WDR5: variants seen among roughly 807,000 people sequenced by gnomAD.
The protein encoded by WDR5 is WD repeat domain 5.
For synonymous variants in WDR5, 144 were observed against 161.6 expected, an observed-to-expected ratio of 0.89 and a Z score of 0.83; for missense variants, 187 against 416.9, an observed-to-expected ratio of 0.45 and a Z score of 4.80.
rs1128044 is a variant in WDR5, at chr9:134,159,126, G to C, written c.*1133G>C. On this transcript the variant is annotated 3_prime_UTR_variant, in exon 14 of 14. Coordinates refer to ENST00000358625, the MANE Select transcript of WDR5 (RefSeq NM_017588.3). The surrounding 1 kb of genome is among the most constrained non-coding windows in gnomAD (Gnocchi z 4.3). ...TGCCCCTCTGCCTGTGCTCCTGGCA[G>C]TGTGGCTTCCCGGTGCTCACCTGCA... 55,351 of 152,458 alleles carry C rather than the reference G, an allele frequency of 0.36. 11,190 individuals are homozygous for C. The highest frequency in any genetic ancestry group is 0.46 in the Non-Finnish European group (31,131 of 68,142). The allele number at this position is 152,458 out of a possible 1,614,324, so 9.4% of individuals were successfully genotyped here.
intron 7 of WDR5, among the ~76,000 whole-genome samples, chr9:134,146,402 G>C (rs1832203563): frequency 6.6e-6 from 1 of 152,040 alleles, no homozygotes; most frequent in Admixed American, 6.6e-5. Context: ...GCCTGGTTAA[G>C]TTTTGTATTT....
rs548318952 is a variant in WDR5 at position 134,136,601 on chromosome 9, C to G, written c.-59+401C>G. ...CAGTCCCTGGACGAGGTGCGCTTCCCCTCCTCGTAGAAACGCCCCCAGCCC... is the reference window on the plus strand; with the variant it reads ...CAGTCCCTGGACGAGGTGCGCTTCCGCTCCTCGTAGAAACGCCCCCAGCCC... On this transcript the variant is annotated intron_variant, in intron 1 of 13. Transcript: ENST00000358625. Among the ~76,000 whole-genome samples, 13 of 152,276 alleles carry G rather than the reference C, an allele frequency of 8.5e-5. No individual in the cohort carries two copies. The South Asian group carries it at 1.2e-3, about 15-fold the overall frequency.
chr9:134,156,026 G>T (rs565053125), intron 12 of WDR5, among the ~76,000 whole-genome samples: 1 of 152,248 alleles, frequency 6.6e-6, no homozygotes. Context: ...CGAGGGCGCT[G>T]GGACCCAACA....
chr9:134,148,627 G>A (rs532025325), intron 8 of WDR5, among the ~76,000 whole-genome samples: 25 of 152,296 alleles, frequency 1.6e-4, no homozygotes, highest in African/African-American at 4.1e-4. Flanking sequence ...AGACGCTGAC[G>A]TGTGCTGTTC....
intron 1 of WDR5, among the ~76,000 whole-genome samples, chr9:134,137,195 C>T (rs963918674): frequency 3.3e-5 from 5 of 152,130 alleles, no homozygotes; most frequent in East Asian, 1.9e-4. Flanking sequence ...TTTGGTTGCT[C>T]GGCTTCAGGT....
At position 134,159,936 on chromosome 9, in the gene WDR5, C is replaced by G. The variant is rs2132603654; in HGVS notation, c.*1943C>G. 6.6e-6 allele frequency: 1 copy of G among 152,224 alleles called. No individual in the cohort carries two copies. The highest frequency in any genetic ancestry group is 2.4e-5 in the African/African-American group (1 of 41,522). The allele number at this position is 152,224 out of a possible 1,614,324, so 9.4% of individuals were successfully genotyped here. A position where few individuals can be genotyped will look rare whatever the true frequency, so the allele number is the denominator to read the frequency against. ...TTGTAGATTTATGTAAAAATACATTCTTTTTGAAAATAAAAATTTTCATGT... is the reference window on the plus strand; with the variant it reads ...TTGTAGATTTATGTAAAAATACATTGTTTTTGAAAATAAAAATTTTCATGT... On this transcript the variant is annotated 3_prime_UTR_variant, in exon 14 of 14. Transcript: ENST00000358625. This position sits in a 1 kb window ranked among gnomAD's most constrained non-coding sequence, Gnocchi z 4.3.
At chr9:134,147,487 G>A (rs923740992) in intron 7 of WDR5, among the ~76,000 whole-genome samples, 3 of 152,162 alleles carry the variant, frequency 2.0e-5, no homozygotes, top group Non-Finnish European at 4.4e-5. Context: ...CAAAGGACAA[G>A]GTTGCCACTG....
At position 134,157,657 on chromosome 9, in the gene WDR5, C is replaced by T. The variant is rs1019192596; in HGVS notation, c.905-236C>T. Among the ~76,000 whole-genome samples the T allele has an allele frequency of 2.6e-5, 4 of 152,112 alleles. No homozygotes were observed. Among genetic ancestry groups the T allele is most frequent in the African/African-American group, 9.7e-5 (4 of 41,408 alleles). ...CAGGCAGGGCTGGCACTCCCTGTGG[C>T]CTCCTGCCCCTGTCCCCCAACCGGC... On this transcript the variant is annotated intron_variant, in intron 13 of 13. Coordinates refer to ENST00000358625, the MANE Select transcript of WDR5 (RefSeq NM_017588.3). This position sits in a 1 kb window ranked among gnomAD's most constrained non-coding sequence, Gnocchi z 5.0.
chr9:134,140,049 C>T (rs1356157384), intron 2 of WDR5, 91 bp downstream of exon 2: 10 of 1,428,832 alleles, frequency 7.0e-6, no homozygotes, highest in Admixed American at 3.8e-5. Flanking sequence ...CCTAGTCTTC[C>T]CTACTCAGTT....
chr9:134,148,505 AG>A (rs1409995400), intron 8 of WDR5, among the ~76,000 whole-genome samples, 162 bp downstream of exon 8: 1 of 151,074 alleles, frequency 6.6e-6, no homozygotes, highest in East Asian at 2.0e-4. Context: ...GCAGATAGGC[AG>A]TGCAGTTTCG....
chr9:134,158,268 T>C lies in WDR5; in HGVS notation c.*275T>C. ...AAACAGAGTCAACAAAAGTTTTTAA[T>C]TTTTTATTACAGAAGGGTGAAGTTC... is the stretch of plus-strand genomic sequence containing the variant. On this transcript the variant is annotated 3_prime_UTR_variant, in exon 14 of 14. Transcript: ENST00000358625. 1 of 290,208 alleles carries C rather than the reference T, an allele frequency of 3.4e-6. No homozygotes were observed. Among genetic ancestry groups the C allele is most frequent in the Non-Finnish European group, 6.4e-6 (1 of 155,804 alleles). 18.0% of individuals were successfully genotyped at this position (290,208 alleles called of 1,614,324 possible).
chr9:134,147,800 G>A (rs971056975), intron 7 of WDR5, among the ~76,000 whole-genome samples: 5 of 152,064 alleles, frequency 3.3e-5, no homozygotes, highest in Non-Finnish European at 7.4e-5. Context: ...TGGGAGGATC[G>A]TGTGAGCTCA....
At chr9:134,149,261 G>A (rs1437934602) in intron 8 of WDR5, among the ~76,000 whole-genome samples, 2 of 152,200 alleles carry the variant, frequency 1.3e-5, no homozygotes, top group Non-Finnish European at 2.9e-5. Context: ...CCAACCACCG[G>A]CCTCCCATGG....
At chr9:134,142,825 G>A in intron 7 of WDR5, 106 bp downstream of exon 7, 1 of 1,166,444 alleles carries the variant, frequency 8.6e-7, no homozygotes, top group East Asian at 2.3e-5. Flanking sequence ...CATGGCCTGT[G>A]CCTAGCTGAT....
chr9:134,154,452 C>T lies in WDR5; in HGVS notation c.632-14C>T, dbSNP rs199922677. On this transcript the variant is annotated splice_polypyrimidine_tract_variant and intron_variant, in intron 9 of 13. Transcript: ENST00000358625. ...CAGCGCCCGCCGTGTGTCACCTGTC[C>T]GTTTTTATTGCAGATGACGACAACC... 5.5e-5 allele frequency: 88 copies of T among 1,614,128 alleles called. No individual in the cohort carries two copies. Among genetic ancestry groups the T allele is most frequent in the South Asian group, 1.2e-4 (11 of 91,084 alleles).
chr9:134,150,806 G>A (rs1046418358), intron 8 of WDR5, among the ~76,000 whole-genome samples: 1 of 152,122 alleles, frequency 6.6e-6, no homozygotes, highest in Non-Finnish European at 1.5e-5. Flanking sequence ...CCCCTGCCCT[G>A]CTAGCTACGT....
intron 1 of WDR5, among the ~76,000 whole-genome samples, chr9:134,139,169 A>G (rs1831743340): frequency 6.6e-6 from 1 of 152,228 alleles, no homozygotes; most frequent in Non-Finnish European, 1.5e-5. Flanking sequence ...TCCAGCAGGC[A>G]GAGCTGCCTC....
At chr9:134,139,065 C>T (rs540905741) in intron 1 of WDR5, among the ~76,000 whole-genome samples, 5 of 152,304 alleles carry the variant, frequency 3.3e-5, no homozygotes, top group Non-Finnish European at 5.9e-5. Flanking sequence ...GATTGAACTG[C>T]AGTCTTTTTT....
rs565630767 is a variant in WDR5, at chr9:134,157,095, C to T, written c.904+502C>T. On this transcript the variant is annotated intron_variant, in intron 13 of 13. Transcript: ENST00000358625. This position sits in a 1 kb window ranked among gnomAD's most constrained non-coding sequence, Gnocchi z 5.0. The stretch of plus-strand genomic sequence containing the variant: ...GTGGGTCCCGGCTGCCCTCTGCAGC[C>T]GCCGCTACTTCCTCACCCTCTGGCC... 9.2e-5 allele frequency among the ~76,000 whole-genome samples: 14 copies of T among 152,248 alleles called. No homozygotes were observed. Among genetic ancestry groups the T allele is most frequent in the African/African-American group, 2.4e-4 (10 of 41,558 alleles).
Sources: gnomAD v4.1 joint callset for allele counts (sites outside exome capture counted in the v4.1 genomes callset) on GRCh38, gnomAD v4.1.1 for gene constraint, Gnocchi (gnomAD v3.1) non-coding constraint, MANE v1.5 for transcripts, NCBI Gene and HGNC (gene_info 2026-07-23, HGNC 2026-07-21) for gene names.